Variants in RNF32 observed in about 807,000 individuals in gnomAD.
RNF32 encodes the protein ring finger protein 32.
Under a neutral mutation model 41.0 loss-of-function variants are expected in RNF32, and 36 were observed. That is an observed-to-expected ratio of 0.88 (90% CI 0.67 to 1.16). The LOEUF (loss-of-function observed/expected upper bound fraction) is 1.16, where lower values mean the gene tolerates loss of function less well. Ranked by LOEUF, RNF32 falls within the 50% of genes most tolerant of loss-of-function variation. RNF32 has a pLI of 0.00. For synonymous variants in RNF32, 154 were observed against 160.9 expected (o/e 0.96, Z 0.32); for missense variants, 413 against 436.7 (o/e 0.95, Z 0.48).
At chr7:156,652,091 T>C (rs373889512) in intron 3 of RNF32, among the ~76,000 whole-genome samples, 3 of 152,218 alleles carry the variant, frequency 2.0e-5, no homozygotes, top group East Asian at 1.9e-4. Flanking sequence ...GAAGCTCACA[T>C]GTGTAACAAT....
At chr7:156,659,344 G>T (rs1055190260) in intron 7 of RNF32, 2 of 987,422 alleles carry the variant, frequency 2.0e-6, no homozygotes, top group Admixed American at 1.2e-4. Context: ...GAGTTACTGT[G>T]TGTTCTGTTC....
chr7:156,674,675 A>T (rs1373715686), intron 7 of RNF32, among the ~76,000 whole-genome samples: 2 of 152,156 alleles, frequency 1.3e-5, no homozygotes, highest in Non-Finnish European at 2.9e-5. Flanking sequence ...TGCTGTCTCC[A>T]CCAAACCAAA....
intron 7 of RNF32, chr7:156,659,135 A>G: frequency 7.5e-7 from 1 of 1,340,888 alleles, no homozygotes; most frequent in Non-Finnish European, 9.5e-7. Flanking sequence ...CCCCATATGA[A>G]AAGGACAGTC....
intron 7 of RNF32, among the ~76,000 whole-genome samples, chr7:156,672,898 T>A (rs1407983368): frequency 6.6e-6 from 1 of 152,254 alleles, no homozygotes; most frequent in Admixed American, 6.5e-5. Context: ...GTAACTTCTA[T>A]GACCGTGGTT....
chr7:156,675,297 C>T (rs1352298610), intron 7 of RNF32, among the ~76,000 whole-genome samples: 4 of 152,190 alleles, frequency 2.6e-5, no homozygotes, highest in African/African-American at 4.8e-5. Flanking sequence ...TGTCTCCTCC[C>T]GGCTCCCTCC....
At position 156,675,654 on chromosome 7, in the gene RNF32, C is replaced by T. The variant is rs557440504; in HGVS notation, c.685-42C>T. On this transcript the variant is annotated intron_variant, in intron 7 of 8. Coordinates refer to ENST00000317955, the MANE Select transcript of RNF32 (RefSeq NM_030936.4). ...GAGAGCGCTTCCCTGCAACCTCCACCGAGCTCAGGTGTGAGCTTACCCGCC... is the reference window on the plus strand; with the variant it reads ...GAGAGCGCTTCCCTGCAACCTCCACTGAGCTCAGGTGTGAGCTTACCCGCC... The T allele has an allele frequency of 3.7e-5, 58 of 1,575,902 alleles. No homozygotes were observed. In the Admixed American group the frequency reaches 4.5e-4, roughly 12 times the overall value.
At chr7:156,667,239 A>G (rs895492551) in intron 7 of RNF32, among the ~76,000 whole-genome samples, 4 of 152,252 alleles carry the variant, frequency 2.6e-5, no homozygotes, top group Admixed American at 6.5e-5. Flanking sequence ...GAGGGCGGCC[A>G]TAAGTCAACA....
chr7:156,663,877 C>T (rs571027592), intron 7 of RNF32, among the ~76,000 whole-genome samples: 1 of 152,284 alleles, frequency 6.6e-6, no homozygotes, highest in African/African-American at 2.4e-5. Context: ...GGTTAAAGAA[C>T]ACTGCTTTAT....
intron 1 of RNF32, among the ~76,000 whole-genome samples, chr7:156,642,793 C>G (rs1221522578): frequency 6.6e-6 from 1 of 152,152 alleles, no homozygotes; most frequent in Non-Finnish European, 1.5e-5. Context: ...CCCGGGGTAC[C>G]TGGAGGAAAC....
chr7:156,675,673 A>ACCCGCCCCC, intron 7 of RNF32, 23 bp from the exon 8 acceptor site: 1 of 1,395,370 alleles, frequency 7.2e-7, no homozygotes, highest in Non-Finnish European at 1.0e-6. Context: ...GTGTGAGCTT[A>ACCCGCCCCC]CCCGCCCCCG....
chr7:156,640,675 G>A, upstream of RNF32: 1 of 325,986 alleles, frequency 3.1e-6, no homozygotes, highest in Non-Finnish European at 5.8e-6. Flanking sequence ...GGGCGGGGCG[G>A]GGCAGGGCTG....
rs79890850 is a variant in RNF32 at position 156,667,096 on chromosome 7, T to C, written c.684+8526T>C. On this transcript the variant is annotated intron_variant, in intron 7 of 8. Coordinates refer to ENST00000317955, the MANE Select transcript of RNF32 (RefSeq NM_030936.4). ...TAGTCCTTTGACTTCCTTTATCACA[T>C]AGAGATGGCAAACATTCTGTTGCTA... Among the ~76,000 whole-genome samples the C allele has an allele frequency of 7.1e-3, 1,085 of 152,266 alleles. 12 individuals carry two copies. Among genetic ancestry groups the C allele is most frequent in the African/African-American group, 0.024 (1,002 of 41,540 alleles).
At chr7:156,650,518 A>G (rs940687987) in intron 3 of RNF32, among the ~76,000 whole-genome samples, 2 of 152,242 alleles carry the variant, frequency 1.3e-5, no homozygotes, top group Non-Finnish European at 2.9e-5. Flanking sequence ...CATTGTGGCC[A>G]GAGAGCACAG....
intron 3 of RNF32, among the ~76,000 whole-genome samples, chr7:156,647,956 G>C (rs549741631): frequency 3.3e-5 from 5 of 151,476 alleles, no homozygotes; most frequent in African/African-American, 1.2e-4. Flanking sequence ...TTTCATGTTT[G>C]TTGGCCATCT....
At chr7:156,672,969 C>T (rs1802909537) in intron 7 of RNF32, among the ~76,000 whole-genome samples, 1 of 152,244 alleles carries the variant, frequency 6.6e-6, no homozygotes, top group Admixed American at 6.5e-5. Flanking sequence ...GCAGGGCTCA[C>T]CCCGCGGACT....
intron 7 of RNF32, among the ~76,000 whole-genome samples, chr7:156,664,786 A>G (rs1379416575): frequency 1.3e-5 from 2 of 152,252 alleles, no homozygotes; most frequent in Non-Finnish European, 2.9e-5. Context: ...TTCATCTAGC[A>G]TAATAGTATA....
intron 1 of RNF32, among the ~76,000 whole-genome samples, chr7:156,641,723 T>A (rs1012672225): frequency 1.3e-5 from 2 of 152,212 alleles, no homozygotes; most frequent in Non-Finnish European, 2.9e-5. Flanking sequence ...CCATTTTTAG[T>A]GTGATGCAAA....
chr7:156,643,006 A>G (rs904095900), intron 1 of RNF32: 1 of 152,258 alleles, frequency 6.6e-6, no homozygotes, highest in African/African-American at 2.4e-5. Context: ...TCTTCATAAA[A>G]TACACCATGT....
At chr7:156,660,213 T>A in intron 7 of RNF32, 2 of 985,652 alleles carry the variant, frequency 2.0e-6, no homozygotes, top group Non-Finnish European at 2.4e-6. Flanking sequence ...TCCCTCTGCC[T>A]TGCTTAAAAT....
Sources: gnomAD v4.1 joint callset for allele counts (sites outside exome capture counted in the v4.1 genomes callset) on GRCh38, gnomAD v4.1.1 for gene constraint, MANE v1.5 for transcripts, NCBI Gene and HGNC (gene_info 2026-07-23, HGNC 2026-07-21) for gene names.